GPHN: variants seen among roughly 807,000 people sequenced by gnomAD.
GPHN encodes the protein gephyrin.
A neutral mutation model predicts 95.5 loss-of-function variants in GPHN; 17 were observed. That is an observed-to-expected ratio of 0.18 (90% CI 0.12 to 0.27). GPHN has a LOEUF of 0.27. Ranked by LOEUF, GPHN falls within the 10% of genes least tolerant of loss-of-function variation. The pLI is 1.00. For synonymous variants in GPHN, 320 were observed against 322.5 expected (o/e 0.99, Z 0.08); for missense variants, 660 against 978.1 (o/e 0.67, Z 4.34).
Position 67,119,452 on chromosome 14 carries a change from G to A in GPHN, c.1627-2804G>A, listed in dbSNP as rs1195788542. On this transcript the variant is annotated intron_variant, in intron 16 of 22. Coordinates refer to ENST00000478722, the MANE Select transcript of GPHN (RefSeq NM_020806.5). The stretch of plus-strand genomic sequence containing the variant: ...AGAGATGGATTAGAATATTCTTAAT[G>A]ATTGAGGCTTTTGGGAAGAGTGGGC... 2.5e-4 allele frequency among the ~76,000 whole-genome samples: 38 copies of A among 152,174 alleles called. 1 individual carries two copies. The highest frequency in any genetic ancestry group is 2.4e-3 in the Admixed American group (37 of 15,270).
the GPHN span, chr14:67,586,686 TG>T: frequency 1.0e-5 from 6 of 587,726 alleles, no homozygotes; most frequent in Non-Finnish European, 1.3e-5. Flanking sequence ...CTGGAAACCC[TG>T]TTGTTCTCCT....
chr14:67,712,733 C>A, the GPHN span, among the ~76,000 whole-genome samples: 1 of 152,166 alleles, frequency 6.6e-6, no homozygotes, highest in Non-Finnish European at 1.5e-5. Context: ...GATTTAGGAA[C>A]CAAACCTAGG....
chr14:67,702,422 AT>A, the GPHN span, among the ~76,000 whole-genome samples: 5 of 152,154 alleles, frequency 3.3e-5, no homozygotes, highest in Non-Finnish European at 7.3e-5. Flanking sequence ...ACAATATTAA[AT>A]TAGTCTTACT....
rs576909059 is a variant in GPHN at position 66,560,062 on chromosome 14, T to G, written c.64+51471T>G. 3.6e-3 allele frequency among the ~76,000 whole-genome samples: 551 copies of G among 152,216 alleles called. 12 individuals carry two copies. The highest frequency in any genetic ancestry group is 0.013 in the African/African-American group (525 of 41,496). On this transcript the variant is annotated intron_variant, in intron 1 of 22. Coordinates refer to ENST00000478722, the MANE Select transcript of GPHN (RefSeq NM_020806.5). ...ATCAGATAGTTGTAGATATGCGGCG[T>G]TATTTCTGAGGGCTCCGTTCTGTTC...
At chr14:67,014,370 G>C (rs2073186337) in intron 9 of GPHN, among the ~76,000 whole-genome samples, 1 of 152,030 alleles carries the variant, frequency 6.6e-6, no homozygotes, top group African/African-American at 2.4e-5. Context: ...AATAATGGTA[G>C]AGCCAAAATT....
intron 18 of GPHN, among the ~76,000 whole-genome samples, chr14:67,148,630 G>A (rs1292243759): frequency 1.4e-5 from 2 of 139,040 alleles, no homozygotes; most frequent in Non-Finnish European, 3.0e-5. Context: ...GTGCCATCTC[G>A]GCTCACTGCA....
the GPHN span, among the ~76,000 whole-genome samples, chr14:67,631,952 A>G: frequency 0.13 from 19,091 of 152,144 alleles, 1,223 homozygotes; most frequent in Admixed American, 0.14. Flanking sequence ...TTGGCTCACT[A>G]CAACCTCTAC....
chr14:66,745,835 A>T (rs891337046), intron 2 of GPHN, among the ~76,000 whole-genome samples: 3 of 151,682 alleles, frequency 2.0e-5, no homozygotes, highest in Non-Finnish European at 2.9e-5. Flanking sequence ...ACAGTAAAAA[A>T]CCCTTTGTGA....
chr14:66,557,557 A>C (rs534426616), intron 1 of GPHN, among the ~76,000 whole-genome samples: 1 of 152,208 alleles, frequency 6.6e-6, no homozygotes, highest in Admixed American at 6.5e-5. Context: ...TTAAGGGAAA[A>C]TAAGTTACTT....
chr14:67,399,687 G>C, the GPHN span, among the ~76,000 whole-genome samples: 1 of 132,446 alleles, frequency 7.6e-6, no homozygotes, highest in African/African-American at 3.3e-5. Context: ...GTTTAGGTGG[G>C]TCTCAGGTGG....
chr14:66,662,541 A>G (rs1012223457), intron 1 of GPHN, among the ~76,000 whole-genome samples: 3 of 152,220 alleles, frequency 2.0e-5, no homozygotes, highest in Admixed American at 6.5e-5. Context: ...GAACGCTGAA[A>G]ACTCAAAAAG....
intron 2 of GPHN, chr14:66,760,513 G>T: frequency 4.3e-6 from 1 of 233,816 alleles, no homozygotes; most frequent in South Asian, 6.6e-5. Context: ...GGGTTGGTGG[G>T]GGCCCACGCG....
chr14:66,988,381 T>G (rs1345571073), intron 9 of GPHN, among the ~76,000 whole-genome samples: 1 of 152,070 alleles, frequency 6.6e-6, no homozygotes, highest in Non-Finnish European at 1.5e-5. Flanking sequence ...GTTAGTTATG[T>G]CAGCAGAATA....
intron 18 of GPHN, among the ~76,000 whole-genome samples, chr14:67,156,748 G>A (rs898969565): frequency 5.9e-5 from 9 of 152,034 alleles, no homozygotes; most frequent in Non-Finnish European, 1.3e-4. Context: ...AGGCTGAGGT[G>A]GACTGATCAT....
At chr14:67,380,705 G>A in the GPHN span, 1 of 1,585,720 alleles carries the variant, frequency 6.3e-7, no homozygotes, top group Non-Finnish European at 8.6e-7. Flanking sequence ...AGATGAACGG[G>A]AAGTACTCAT....
intron 5 of GPHN, among the ~76,000 whole-genome samples, chr14:66,894,834 C>T (rs900461011): frequency 3.9e-5 from 6 of 152,062 alleles, no homozygotes; most frequent in Admixed American, 2.0e-4. Flanking sequence ...GTTAGAATGG[C>T]GATCATTAAA....
chr14:66,814,996 T>G (rs142218697), intron 3 of GPHN, among the ~76,000 whole-genome samples: 1 of 152,024 alleles, frequency 6.6e-6, no homozygotes, highest in Non-Finnish European at 1.5e-5. Flanking sequence ...AAAAACACAC[T>G]GCAGGAAGTT....
Position 67,113,103 on chromosome 14 carries a change from A to T in GPHN, c.1558A>T (p.Thr520Ser), listed in dbSNP as rs749747472. The T allele has an allele frequency of 5.0e-6, 8 of 1,613,844 alleles. No homozygotes were observed. Among genetic ancestry groups the T allele is most frequent in the Non-Finnish European group, 1.7e-6 (2 of 1,179,718 alleles). The change falls in exon 16 of 23, where the codon ACT (threonine) becomes TCT (serine). Residue 520 changes from threonine (T) to serine (S), a missense_variant. By Grantham distance (58) the Thr-to-Ser change is moderately conservative. Around this residue, in one of 6 missense-constraint regions of GPHN, gnomAD observed 257 missense variants for 376.2 expected, o/e 0.68. Transcript: ENST00000478722. ...CCCCTCAGAGATTGGTCTTCTGGCA[A>T]CTGTAGGTGTCACAGAGGTTGAAGT... ...MGPSEIGLLA[T>S]VGVTEVEVNK...
intron 1 of GPHN, among the ~76,000 whole-genome samples, chr14:66,630,751 C>A (rs1228541230): frequency 3.3e-5 from 5 of 152,116 alleles, no homozygotes; most frequent in Non-Finnish European, 1.5e-5. Context: ...AGATTACAGG[C>A]GTGAGCCACT....
Sources: allele counts gnomAD v4.1 joint callset (sites outside exome capture counted in the v4.1 genomes callset), GRCh38; gene constraint gnomAD v4.1.1; regional missense constraint gnomAD v4.1.1; transcripts MANE v1.5; gene names NCBI Gene and HGNC (gene_info 2026-07-23, HGNC 2026-07-21).